The following CSMD1 variants were observed in gnomAD, a reference collection of about 807,000 sequenced individuals.
CSMD1 encodes CUB and Sushi multiple domains 1.
Under a neutral mutation model 417.5 loss-of-function variants are expected in CSMD1, and 213 were observed. The ratio of observed to expected loss-of-function variants is 0.51; its 90% CI spans 0.46 to 0.57. CSMD1 has a LOEUF of 0.57. Among genes scored for constraint, CSMD1 ranks in the 20% least tolerant of loss-of-function variants. The pLI is 0.00. For missense variants in CSMD1, 6,923 were observed against 4,529.7 expected, an observed-to-expected ratio of 1.53 and a Z score of -15.17; for synonymous variants, 2,862 against 1,736.8, an observed-to-expected ratio of 1.65 and a Z score of -16.11.
intron 2 of CSMD1, among the ~76,000 whole-genome samples, chr8:4,449,357 T>A (rs1426200331): frequency 2.0e-5 from 3 of 152,174 alleles, no homozygotes; most frequent in Non-Finnish European, 4.4e-5. Context: ...CCCCTCTCTT[T>A]TTTTCCAGAA....
intron 12 of CSMD1, among the ~76,000 whole-genome samples, chr8:3,463,146 C>A (rs775390904): frequency 6.6e-6 from 1 of 152,194 alleles, no homozygotes; most frequent in South Asian, 2.1e-4. Context: ...TATTCTGTTA[C>A]GGCAACCTGA....
At chr8:3,854,110 G>C (rs7845131) in intron 5 of CSMD1, among the ~76,000 whole-genome samples, 66,212 of 143,824 alleles carry the variant, frequency 0.46, 18,369 homozygotes, top group African/African-American at 0.78. Flanking sequence ...ACTTTATATA[G>C]TTATATATTA....
intron 3 of CSMD1, among the ~76,000 whole-genome samples, chr8:4,071,268 T>A (rs1388153882): frequency 6.6e-6 from 1 of 152,198 alleles, no homozygotes; most frequent in African/African-American, 2.4e-5. Flanking sequence ...GACGCCCTGC[T>A]TGTTATATTT....
intron 3 of CSMD1, among the ~76,000 whole-genome samples, chr8:4,263,384 C>G (rs556267794): frequency 6.6e-6 from 1 of 152,146 alleles, no homozygotes; most frequent in East Asian, 1.9e-4. Context: ...AATAAAAAAC[C>G]TGCTTTGACC....
At chr8:2,986,979 C>G (rs141839065) in intron 54 of CSMD1, among the ~76,000 whole-genome samples, 2,262 of 152,160 alleles carry the variant, frequency 0.015, 127 homozygotes, top group Admixed American at 0.11. Flanking sequence ...TTCTCTACAC[C>G]ATCATATTTA....
At chr8:4,402,825 T>TA (rs1804739535) in intron 3 of CSMD1, among the ~76,000 whole-genome samples, 1 of 102,268 alleles carries the variant, frequency 9.8e-6, no homozygotes, top group African/African-American at 3.4e-5. Context: ...TTTTTTCTTT[T>TA]TTTTTTTTTT....
At chr8:4,574,063 T>C (rs1242363302) in intron 2 of CSMD1, among the ~76,000 whole-genome samples, 46 of 152,084 alleles carry the variant, frequency 3.0e-4, no homozygotes, top group Admixed American at 3.0e-3. Context: ...CTGGACTCCA[T>C]GGGGGTGGGA....
chr8:3,837,186 C>T (rs1348292335), intron 5 of CSMD1, among the ~76,000 whole-genome samples: 2 of 151,978 alleles, frequency 1.3e-5, no homozygotes, highest in African/African-American at 2.4e-5. Flanking sequence ...GTTTCACAGT[C>T]TGTGGTCAAA....
intron 2 of CSMD1, among the ~76,000 whole-genome samples, chr8:4,432,747 G>T (rs983492866): frequency 6.6e-6 from 1 of 152,120 alleles, no homozygotes; most frequent in Non-Finnish European, 1.5e-5. Flanking sequence ...TTTCAAACCA[G>T]GGCCATAGAG....
At position 4,519,742 on chromosome 8, in the gene CSMD1, C is replaced by CAAAAAAAAAAAA. The variant is rs57747377; in HGVS notation, c.303-99689_303-99678dup. Among the ~76,000 whole-genome samples the CAAAAAAAAAAAA allele has an allele frequency of 2.8e-3, 226 of 80,366 alleles. 77 individuals are homozygous for CAAAAAAAAAAAA. The highest frequency in any genetic ancestry group is 6.7e-3 in the East Asian group (16 of 2,382). 52.7% of individuals were successfully genotyped at this position (80,366 alleles called of 152,430 possible). On this transcript the variant is annotated intron_variant, in intron 2 of 69. Transcript: ENST00000635120. Reference sequence around the variant, plus strand: ...TAGGCAGCAGAGTCAGACTTCATCTCAAAAAAAAAAAAAAAAAAAAAAAAA... The same window carrying CAAAAAAAAAAAA: ...TAGGCAGCAGAGTCAGACTTCATCTCAAAAAAAAAAAAAAAAAAAAAAAAAAAAAAAAAAAAA...
At chr8:3,524,765 C>T (rs946489240) in intron 10 of CSMD1, among the ~76,000 whole-genome samples, 2 of 151,400 alleles carry the variant, frequency 1.3e-5, no homozygotes, top group African/African-American at 4.9e-5. Flanking sequence ...CACACATGCA[C>T]ATATGCAAGT....
chr8:4,889,695 G>C lies in CSMD1; in HGVS notation c.85+104637C>G, dbSNP rs113678397. Reference sequence around the variant, plus strand: ...GCTGGAGAGAAAAACAGTAAGTAAAGGTAATTAAAAGCAAAGAAAATTTAC... The same window carrying C: ...GCTGGAGAGAAAAACAGTAAGTAAACGTAATTAAAAGCAAAGAAAATTTAC... On this transcript the variant is annotated intron_variant, in intron 1 of 69. Coordinates refer to ENST00000635120, the MANE Select transcript of CSMD1 (RefSeq NM_033225.6). 5.2e-4 allele frequency among the ~76,000 whole-genome samples: 79 copies of C among 152,138 alleles called. 1 individual carries two copies. The highest frequency in any genetic ancestry group is 1.1e-3 in the Admixed American group (17 of 15,282).
chr8:3,753,182 G>T (rs1329069240), intron 6 of CSMD1, among the ~76,000 whole-genome samples: 2 of 152,152 alleles, frequency 1.3e-5, no homozygotes, highest in Non-Finnish European at 2.9e-5. Context: ...TGTGGGGAAA[G>T]CTTAGGCACT....
At chr8:4,035,913 C>T (rs1374137068) in intron 3 of CSMD1, among the ~76,000 whole-genome samples, 30 of 152,322 alleles carry the variant, frequency 2.0e-4, no homozygotes, top group Admixed American at 1.8e-3. Context: ...CACACAGACT[C>T]ACCCAGAGCA....
At chr8:4,983,831 A>G (rs1811027677) in intron 1 of CSMD1, among the ~76,000 whole-genome samples, 1 of 77,652 alleles carries the variant, frequency 1.3e-5, no homozygotes, top group Non-Finnish European at 2.5e-5. Flanking sequence ...AGATTGGGTG[A>G]TCAACATATG....
At chr8:3,357,197 T>C (rs1054282570) in intron 21 of CSMD1, among the ~76,000 whole-genome samples, 11 of 152,262 alleles carry the variant, frequency 7.2e-5, no homozygotes, top group African/African-American at 2.6e-4. Flanking sequence ...ATCAGGAAAC[T>C]GCAGGCAAAA....
rs191913939 is a variant in CSMD1 at position 4,795,396 on chromosome 8, C to G, written c.86-157838G>C. Among the ~76,000 whole-genome samples, 302 of 149,794 alleles carry G rather than the reference C, an allele frequency of 2.0e-3. 3 individuals carry two copies. The highest frequency in any genetic ancestry group is 7.2e-3 in the African/African-American group (294 of 40,874). ...AAGCAATTCTCCTGCCTCAGCCTTC[C>G]GAGTAGCTGGGATTACAGGTACCCA... On this transcript the variant is annotated intron_variant, in intron 1 of 69. Coordinates refer to ENST00000635120, the MANE Select transcript of CSMD1 (RefSeq NM_033225.6).
chr8:3,253,488 A>G (rs566485581), intron 26 of CSMD1, among the ~76,000 whole-genome samples: 1 of 152,286 alleles, frequency 6.6e-6, no homozygotes, highest in Admixed American at 6.5e-5. Flanking sequence ...TGTGGTGCTG[A>G]AAAGAATGTA....
intron 1 of CSMD1, among the ~76,000 whole-genome samples, chr8:4,889,926 G>A (rs569703446): frequency 1.5e-4 from 23 of 152,170 alleles, no homozygotes; most frequent in African/African-American, 5.5e-4. Flanking sequence ...TTTGGAATGT[G>A]GTCCTCTTTA....
Sources: gnomAD v4.1 joint callset for allele counts (sites outside exome capture counted in the v4.1 genomes callset) on GRCh38, gnomAD v4.1.1 for gene constraint, MANE v1.5 for transcripts, NCBI Gene and HGNC (gene_info 2026-07-23, HGNC 2026-07-21) for gene names.